FOCAD: variants seen among roughly 807,000 people sequenced by gnomAD.
FOCAD encodes the protein focadhesin.
A neutral mutation model predicts 225.6 loss-of-function variants in FOCAD; 198 were observed. The ratio of observed to expected loss-of-function variants is 0.88; its 90% CI spans 0.78 to 0.99. The LOEUF is 0.99. FOCAD is among the 50% of genes least tolerant of loss of function. The pLI is 0.00. For synonymous variants in FOCAD, 897 were observed against 755.0 expected (o/e 1.19, Z -3.08); for missense variants, 2,713 against 2,123.6 (o/e 1.28, Z -5.46).
At chr9:20,960,472 T>C (rs746304500) in intron 35 of FOCAD, among the ~76,000 whole-genome samples, 4 of 152,226 alleles carry the variant, frequency 2.6e-5, no homozygotes, top group Non-Finnish European at 4.4e-5. Context: ...TTCACAAATA[T>C]TCTATTTTCA....
chr9:20,812,101 G>A (rs1823139182), intron 11 of FOCAD, among the ~76,000 whole-genome samples: 1 of 152,010 alleles, frequency 6.6e-6, no homozygotes, highest in Non-Finnish European at 1.5e-5. Flanking sequence ...TGAGTAAAAT[G>A]TGAACTAAGA....
intron 11 of FOCAD, among the ~76,000 whole-genome samples, chr9:20,808,569 A>T (rs1036732612): frequency 7.2e-5 from 11 of 152,246 alleles, no homozygotes; most frequent in Non-Finnish European, 7.3e-5. Flanking sequence ...CTGTGTGTCA[A>T]TAGTTGAACT....
chr9:20,950,958 CT>C (rs2132375471), intron 33 of FOCAD, 37 bp from the exon 34 acceptor site: 1 of 1,548,814 alleles, frequency 6.5e-7, no homozygotes, highest in East Asian at 2.2e-5. Context: ...GAACTTGGAT[CT>C]TATCCCATCA....
At position 20,789,355 on chromosome 9, in the gene FOCAD, C is replaced by G. The variant is rs756252433; in HGVS notation, c.1202C>G (p.Ser401Cys). Residue 401 changes from serine (S) to cysteine (C), a missense_variant, in exon 11 of 44, where the codon TCC (serine) becomes TGC (cysteine). Coordinates refer to ENST00000338382, the MANE Select transcript of FOCAD (RefSeq NM_001375567.1). ...ECYRDDHQKL[S>C]YKLVCPVTSM... ...TCTCTTGTCTTTATTTTTCAGCTCT[C>G]CTACAAGCTTGTGTGCCCTGTAACC... 1 of 1,610,192 alleles carries G rather than the reference C, an allele frequency of 6.2e-7. No individual in the cohort carries two copies. The highest frequency in any genetic ancestry group is 1.1e-5 in the South Asian group (1 of 90,970).
intron 43 of FOCAD, among the ~76,000 whole-genome samples, chr9:20,994,965 A>C (rs532033405): frequency 1.2e-5 from 1 of 84,676 alleles, no homozygotes; most frequent in Non-Finnish European, 2.4e-5. Flanking sequence ...ATTTGTATTA[A>C]TATTCTAAAA....
intron 25 of FOCAD, among the ~76,000 whole-genome samples, chr9:20,924,740 C>T (rs535922250): frequency 9.9e-5 from 15 of 152,076 alleles, no homozygotes; most frequent in African/African-American, 2.9e-4. Context: ...TCTAGAAGCC[C>T]GTGGAATTAA....
At chr9:20,678,011 C>T (rs191009791) in intron 2 of FOCAD, among the ~76,000 whole-genome samples, 56 of 152,170 alleles carry the variant, frequency 3.7e-4, no homozygotes, top group African/African-American at 1.3e-3. Flanking sequence ...TTTATATATC[C>T]TTTGCTTTAT....
At chr9:20,819,929 A>T in intron 12 of FOCAD, 29 bp downstream of exon 12, 1 of 1,318,894 alleles carries the variant, frequency 7.6e-7, no homozygotes, top group South Asian at 1.4e-5. Context: ...TTAGTTGGCG[A>T]AAAAAGTGAG....
chr9:20,724,314 A>G (rs905130463), intron 4 of FOCAD, among the ~76,000 whole-genome samples: 20 of 152,350 alleles, frequency 1.3e-4, no homozygotes, highest in Middle Eastern at 3.4e-3. Flanking sequence ...TACAATAGAT[A>G]GTGTTTCAGT....
intron 35 of FOCAD, among the ~76,000 whole-genome samples, chr9:20,965,132 G>A (rs139140022): frequency 3.5e-4 from 53 of 152,256 alleles, no homozygotes; most frequent in Middle Eastern, 3.4e-3. Flanking sequence ...ATGAGGGCAT[G>A]GTACTCTTTT....
chr9:20,860,386 G>T (rs1404746630), intron 15 of FOCAD, among the ~76,000 whole-genome samples: 2 of 152,162 alleles, frequency 1.3e-5, no homozygotes, highest in East Asian at 1.9e-4. Flanking sequence ...GTTCCATGTG[G>T]CTGGGGAAGC....
chr9:20,948,135 G>C (rs1837357001), intron 30 of FOCAD, 136 bp from the exon 31 acceptor site: 1 of 876,442 alleles, frequency 1.1e-6, no homozygotes, highest in Non-Finnish European at 1.6e-6. Flanking sequence ...ACTTAAGTCT[G>C]ATTTTTCATA....
intron 41 of FOCAD, 103 bp from the exon 42 acceptor site, chr9:20,990,020 G>A: frequency 7.2e-7 from 1 of 1,380,146 alleles, no homozygotes; most frequent in Non-Finnish European, 1.0e-6. Flanking sequence ...GTTGGGTGAA[G>A]GGGAAGATGA....
intron 18 of FOCAD, among the ~76,000 whole-genome samples, chr9:20,870,497 C>T (rs1027615277): frequency 2.6e-5 from 4 of 152,250 alleles, no homozygotes; most frequent in Non-Finnish European, 4.4e-5. Context: ...TTGGACTTAA[C>T]GATTTTTCAA....
At chr9:20,989,565 T>C (rs549098861) in intron 41 of FOCAD, among the ~76,000 whole-genome samples, 2 of 152,264 alleles carry the variant, frequency 1.3e-5, no homozygotes, top group Non-Finnish European at 2.9e-5. Context: ...ATGTCTATAG[T>C]CCCAGCCACT....
chr9:20,677,878 C>T (rs1168411732), intron 2 of FOCAD, among the ~76,000 whole-genome samples: 1 of 152,206 alleles, frequency 6.6e-6, no homozygotes, highest in Non-Finnish European at 1.5e-5. Flanking sequence ...GAGATATCTG[C>T]ACTTTTGTTC....
chr9:20,987,989 A>G (rs1487443335), intron 40 of FOCAD, among the ~76,000 whole-genome samples: 1 of 152,246 alleles, frequency 6.6e-6, no homozygotes, highest in African/African-American at 2.4e-5. Context: ...ATAATTGTCA[A>G]CAATTCAACA....
At chr9:20,812,462 T>C (rs1362393939) in intron 11 of FOCAD, among the ~76,000 whole-genome samples, 1 of 152,044 alleles carries the variant, frequency 6.6e-6, no homozygotes, top group Non-Finnish European at 1.5e-5. Context: ...AATTATGCTC[T>C]TTTTTTGCAG....
At chr9:20,713,090 A>G (rs1199061220) in intron 1 of FOCAD, among the ~76,000 whole-genome samples, 2 of 152,004 alleles carry the variant, frequency 1.3e-5, no homozygotes, top group South Asian at 4.1e-4. Context: ...CCCTTCAAAT[A>G]TATCCAGAAT....
Sources: allele counts gnomAD v4.1 joint callset (sites outside exome capture counted in the v4.1 genomes callset), GRCh38; gene constraint gnomAD v4.1.1; transcripts MANE v1.5; gene names NCBI Gene and HGNC (gene_info 2026-07-23, HGNC 2026-07-21).